Variants in POLB observed in about 807,000 individuals in gnomAD.
POLB encodes the protein 5'-dRP lyase.
In POLB, 37 loss-of-function variants were observed where a neutral mutation model predicts 52.7. That is an observed-to-expected ratio of 0.70 (90% CI 0.54 to 0.92). POLB has a LOEUF of 0.92. POLB is among the 40% of genes least tolerant of loss of function. POLB has a pLI of 0.00. For synonymous variants in POLB, 138 were observed against 131.3 expected (o/e 1.05, Z -0.35); for missense variants, 313 against 400.8 (o/e 0.78, Z 1.87).
chr8:42,357,485 G>T, intron 9 of POLB, 93 bp downstream of exon 9: 1 of 736,794 alleles, frequency 1.4e-6, no homozygotes, highest in East Asian at 2.5e-5. Context: ...TGTAATTTGT[G>T]GTACTTCATA....
intron 9 of POLB, among the ~76,000 whole-genome samples, chr8:42,359,333 A>G (rs1006601921): frequency 2.0e-5 from 3 of 151,908 alleles, no homozygotes; most frequent in East Asian, 1.9e-4. Flanking sequence ...AGATTTTTCC[A>G]TATCAATATA....
intron 13 of POLB, among the ~76,000 whole-genome samples, chr8:42,370,727 GGAA>G (rs1824329105): frequency 6.6e-6 from 1 of 152,032 alleles, no homozygotes; most frequent in African/African-American, 2.4e-5. Context: ...GGGTCACATT[GGAA>G]GAAGAATAAT....
At chr8:42,349,313 C>T (rs1326267556) in intron 4 of POLB, 1 of 389,084 alleles carries the variant, frequency 2.6e-6, no homozygotes. Flanking sequence ...AGAGTTGGCT[C>T]ATCGTTTTCA....
At position 42,338,695 on chromosome 8, in the gene POLB, G is replaced by C; in HGVS notation, c.61+10G>C. 6.2e-7 allele frequency: 1 copy of C among 1,613,070 alleles called. No homozygotes were observed. The highest frequency in any genetic ancestry group is 1.3e-5 in the African/African-American group (1 of 75,028). ...ACCGACATGCTCACAGGTTAGCACC[G>C]GGCCGGGCCCCGCTGGCTTTCTTCT... is the stretch of plus-strand genomic sequence containing the variant. On this transcript the variant is annotated intron_variant, in intron 1 of 13. Transcript: ENST00000265421.
chr8:42,356,340 G>C (rs1174445672), intron 7 of POLB, among the ~76,000 whole-genome samples: 2 of 152,224 alleles, frequency 1.3e-5, no homozygotes, highest in African/African-American at 4.8e-5. Flanking sequence ...GAACTGGTTT[G>C]CTGAGAATTG....
chr8:42,371,673 T>G lies in POLB; in HGVS notation c.*16T>G. 6.9e-7 allele frequency: 1 copy of G among 1,451,922 alleles called. No homozygotes were observed. Among genetic ancestry groups the G allele is most frequent in the South Asian group, 1.1e-5 (1 of 87,758 alleles). 89.9% of individuals were successfully genotyped at this position (1,451,922 alleles called of 1,614,324 possible). On this transcript the variant is annotated 3_prime_UTR_variant, in exon 14 of 14. Coordinates refer to ENST00000265421, the MANE Select transcript of POLB (RefSeq NM_002690.3). ...GAGCGAATGAGGCCTGTATCCTCCC[T>G]GGCAGACACAACCCAATAGGAGTCT...
In POLB at chr8:42,357,150, A is replaced by G. The variant is rs1045777720; in HGVS notation, c.423-19A>G. 10 of 1,381,120 alleles carry G rather than the reference A, an allele frequency of 7.2e-6. No homozygotes were observed. The highest frequency in any genetic ancestry group is 1.0e-5 in the Non-Finnish European group (10 of 981,674). 85.6% of individuals were successfully genotyped at this position (1,381,120 alleles called of 1,614,324 possible). On this transcript the variant is annotated intron_variant, in intron 7 of 13. Coordinates refer to ENST00000265421, the MANE Select transcript of POLB (RefSeq NM_002690.3). The stretch of plus-strand genomic sequence containing the variant: ...TAAATTTTACGAAAATCTTTTGTCT[A>G]CTTATTCTGTCTTTATAGATATTTT...
chr8:42,370,269 T>TTTTTTTTTTTTTTTTG (rs1824301831), intron 13 of POLB: 1 of 402,366 alleles, frequency 2.5e-6, no homozygotes, highest in Admixed American at 4.0e-5. Flanking sequence ...GTTTTTTTTT[T>TTTTTTTTTTTTTTTTG]TTTTTTTTTT....
intron 6 of POLB, among the ~76,000 whole-genome samples, chr8:42,353,570 GT>G (rs35461607): frequency 0.017 from 2,651 of 152,148 alleles, 60 homozygotes; most frequent in African/African-American, 0.061. Context: ...ATTATAAAAC[GT>G]TTTCCTTAAA....
At chr8:42,351,141 C>T (rs1476712690) in intron 5 of POLB, among the ~76,000 whole-genome samples, 1 of 152,152 alleles carries the variant, frequency 6.6e-6, no homozygotes, top group Non-Finnish European at 1.5e-5. Flanking sequence ...TCCCAGAGTG[C>T]TAGGATTATA....
At chr8:42,342,538 T>G in intron 2 of POLB, 3 of 805,262 alleles carry the variant, frequency 3.7e-6, no homozygotes, top group Non-Finnish European at 6.5e-6. Flanking sequence ...CAAGCGTTTC[T>G]GAGCATAGTA....
At chr8:42,345,055 A>G in intron 3 of POLB, 36 bp downstream of exon 3, 1 of 1,464,770 alleles carries the variant, frequency 6.8e-7, no homozygotes, top group Non-Finnish European at 9.6e-7. Flanking sequence ...AAGAGTTCAC[A>G]CGTGTCCAAA....
chr8:42,342,277 T>G, intron 2 of POLB: 1 of 1,539,958 alleles, frequency 6.5e-7, no homozygotes, highest in Non-Finnish European at 8.9e-7. Flanking sequence ...CACTTGGCCT[T>G]CATAGATCTT....
At chr8:42,359,206 C>T (rs1823520789) in intron 9 of POLB, among the ~76,000 whole-genome samples, 1 of 152,130 alleles carries the variant, frequency 6.6e-6, no homozygotes, top group Non-Finnish European at 1.5e-5. Flanking sequence ...CATGAAAATA[C>T]AACTAAATAC....
intron 6 of POLB, among the ~76,000 whole-genome samples, chr8:42,353,436 C>G (rs539311894): frequency 6.6e-6 from 1 of 151,624 alleles, no homozygotes; most frequent in Non-Finnish European, 1.5e-5. Context: ...AAATTTTAGG[C>G]AATAAAATCT....
At chr8:42,364,019 C>T (rs1165509524) in intron 11 of POLB, among the ~76,000 whole-genome samples, 3 of 151,554 alleles carry the variant, frequency 2.0e-5, no homozygotes, top group Admixed American at 1.3e-4. Flanking sequence ...CTCCACCTCC[C>T]GGGTTCAAGC....
chr8:42,345,807 C>G (rs1822574219), intron 3 of POLB, among the ~76,000 whole-genome samples: 1 of 152,200 alleles, frequency 6.6e-6, no homozygotes, highest in African/African-American at 2.4e-5. Context: ...GATGGTCTAT[C>G]TATTGACAAT....
chr8:42,344,165 C>T (rs1367320524), intron 2 of POLB, among the ~76,000 whole-genome samples: 1 of 136,818 alleles, frequency 7.3e-6, no homozygotes, highest in Non-Finnish European at 1.6e-5. Context: ...AAAAAGTGGC[C>T]GGGAGTGGTG....
intron 12 of POLB, 122 bp downstream of exon 12, chr8:42,369,457 A>G (rs541837183): frequency 1.2e-5 from 7 of 602,408 alleles, no homozygotes; most frequent in African/African-American, 1.1e-4. Context: ...CCCAAGAGCC[A>G]TATGTTCTTG....
Sources: allele counts gnomAD v4.1 joint callset (sites outside exome capture counted in the v4.1 genomes callset), GRCh38; gene constraint gnomAD v4.1.1; transcripts MANE v1.5; gene names NCBI Gene and HGNC (gene_info 2026-07-23, HGNC 2026-07-21).